Variants in PEBP4 observed in about 807,000 individuals in gnomAD.
PEBP4 encodes phosphatidylethanolamine-binding protein 4.
Under a neutral mutation model 23.9 loss-of-function variants are expected in PEBP4, and 22 were observed. That is an observed-to-expected ratio of 0.92 (90% CI 0.66 to 1.31). The LOEUF is 1.31. Ranked by LOEUF, PEBP4 falls within the 40% of genes most tolerant of loss-of-function variation. The probability of loss-of-function intolerance (pLI) is 0.00; values close to 1 mark genes in which losing one functional copy is unlikely to be tolerated. For synonymous variants in PEBP4, 112 were observed against 99.3 expected, an observed-to-expected ratio of 1.13 and a Z score of -0.76; for missense variants, 324 against 281.7, an observed-to-expected ratio of 1.15 and a Z score of -1.07.
intron 3 of PEBP4, among the ~76,000 whole-genome samples, chr8:22,831,304 T>C (rs986943308): frequency 6.6e-6 from 1 of 152,196 alleles, no homozygotes; most frequent in Non-Finnish European, 1.5e-5. Flanking sequence ...TTAATCAGCA[T>C]AGTTTTTTAT....
At position 22,920,301 on chromosome 8, in the gene PEBP4, T is replaced by C; in HGVS notation, c.141A>G (p.Glu47=). Residue 47 remains glutamate (E), a synonymous_variant, in exon 3 of 7, where the codon GAA becomes GAG. Transcript: ENST00000256404. ...TGTTCCCCAACTCTGGGTAGAAAAC[T>C]TCAAGGCCCCTATGAAGAGAGAGGG... ...DEDTLFCQGL[E]VFYPELGNIG... The C allele has an allele frequency of 6.2e-7, 1 of 1,612,832 alleles. No individual in the cohort carries two copies. Among genetic ancestry groups the C allele is most frequent in the Non-Finnish European group, 8.5e-7 (1 of 1,179,010 alleles).
chr8:22,725,172 G>T (rs1289191410), intron 5 of PEBP4, among the ~76,000 whole-genome samples: 1 of 152,110 alleles, frequency 6.6e-6, no homozygotes, highest in East Asian at 1.9e-4. Flanking sequence ...GGAGGAGGTG[G>T]TCCAAGAGGA....
At chr8:22,927,457 C>G in intron 2 of PEBP4, 127 bp downstream of exon 2, 1 of 1,178,224 alleles carries the variant, frequency 8.5e-7, no homozygotes, top group Non-Finnish European at 1.2e-6. Flanking sequence ...AGATCTGACA[C>G]GTGTTCTGCC....
chr8:22,777,267 T>A lies in PEBP4; in HGVS notation c.357+40370A>T, dbSNP rs146518275. On this transcript the variant is annotated intron_variant, in intron 4 of 6. Transcript: ENST00000256404. ...TCCTCCACTCCCCTCACTTCCTCCA[T>A]CTGCATCATCTCTCACATTTACAGT... Among the ~76,000 whole-genome samples, 208 of 152,236 alleles carry A rather than the reference T, an allele frequency of 1.4e-3. 1 individual carries two copies. Among genetic ancestry groups the A allele is most frequent in the Non-Finnish European group, 2.3e-3 (157 of 67,998 alleles).
At chr8:22,785,975 C>T (rs950980274) in intron 4 of PEBP4, among the ~76,000 whole-genome samples, 2 of 152,262 alleles carry the variant, frequency 1.3e-5, no homozygotes, top group Non-Finnish European at 2.9e-5. Flanking sequence ...CTTTCTCGAA[C>T]GTCAAGTAGG....
chr8:22,892,702 A>T (rs1563251806), intron 3 of PEBP4, among the ~76,000 whole-genome samples: 1 of 152,252 alleles, frequency 6.6e-6, no homozygotes, highest in Non-Finnish European at 1.5e-5. Flanking sequence ...ATAGAGTATC[A>T]GGAACCAGAT....
At chr8:22,743,838 A>G (rs751792923) in intron 4 of PEBP4, among the ~76,000 whole-genome samples, 4 of 152,154 alleles carry the variant, frequency 2.6e-5, no homozygotes, top group Non-Finnish European at 5.9e-5. Context: ...TGCAATTCCA[A>G]CACCTGAGCA....
intron 4 of PEBP4, among the ~76,000 whole-genome samples, chr8:22,778,982 G>C (rs919428048): frequency 2.6e-5 from 4 of 151,874 alleles, no homozygotes; most frequent in Admixed American, 2.0e-4. Flanking sequence ...GTCTGCCTGC[G>C]TGGGGGGCAC....
intron 4 of PEBP4, among the ~76,000 whole-genome samples, chr8:22,799,455 G>A (rs1806336283): frequency 6.6e-6 from 1 of 152,230 alleles, no homozygotes; most frequent in Non-Finnish European, 1.5e-5. Flanking sequence ...AGCTGGGGAT[G>A]AGTGGATTGG....
chr8:22,838,210 A>G (rs1326732504), intron 3 of PEBP4, among the ~76,000 whole-genome samples: 2 of 152,092 alleles, frequency 1.3e-5, no homozygotes, highest in Non-Finnish European at 2.9e-5. Context: ...TTCAATTATT[A>G]TATTCCTGAC....
chr8:22,837,977 C>T (rs1807242362), intron 3 of PEBP4, among the ~76,000 whole-genome samples: 1 of 141,124 alleles, frequency 7.1e-6, no homozygotes, highest in African/African-American at 2.7e-5. Context: ...CGGCTCACTG[C>T]AACCTCAATC....
intron 4 of PEBP4, among the ~76,000 whole-genome samples, chr8:22,746,912 G>A (rs1055055218): frequency 7.2e-5 from 11 of 152,292 alleles, no homozygotes; most frequent in South Asian, 2.1e-4. Context: ...GTGCAGTGGC[G>A]TAATTACGGC....
intron 3 of PEBP4, among the ~76,000 whole-genome samples, chr8:22,878,431 G>A (rs1230953638): frequency 2.0e-5 from 3 of 152,204 alleles, no homozygotes; most frequent in African/African-American, 7.2e-5. Context: ...GGACCCGGCC[G>A]TGTGGCAGTG....
rs113786696 is a variant in PEBP4 at position 22,805,794 on chromosome 8, T to TA, written c.357+11842_357+11843insT. ...TTTAAAAAATAAAGTCTATTTTTTT[T>TA]TAAAAAAAAGGGATTTGATTGCATA... is the stretch of plus-strand genomic sequence containing the variant. On this transcript the variant is annotated intron_variant, in intron 4 of 6. Transcript: ENST00000256404. Among the ~76,000 whole-genome samples, 1,237 of 152,028 alleles carry TA rather than the reference T, an allele frequency of 8.1e-3. 15 individuals are homozygous for TA. The highest frequency in any genetic ancestry group is 0.028 in the African/African-American group (1,168 of 41,412).
chr8:22,842,558 G>A (rs1807350771), intron 3 of PEBP4, among the ~76,000 whole-genome samples: 1 of 152,168 alleles, frequency 6.6e-6, no homozygotes, highest in Non-Finnish European at 1.5e-5. Context: ...TTAAAAACCT[G>A]AGTTTAAAAT....
chr8:22,888,155 CT>C (rs34600138), intron 3 of PEBP4: 204 of 129,752 alleles, frequency 1.6e-3, no homozygotes, highest in East Asian at 7.5e-3. Flanking sequence ...CCACCCACTT[CT>C]TTTTTTTTTT....
At chr8:22,794,743 G>A (rs994906423) in intron 4 of PEBP4, among the ~76,000 whole-genome samples, 2 of 152,082 alleles carry the variant, frequency 1.3e-5, no homozygotes, top group African/African-American at 4.8e-5. Flanking sequence ...TATGAGCTCA[G>A]ATTGGTCAAT....
chr8:22,774,182 G>C (rs545516412), intron 4 of PEBP4, among the ~76,000 whole-genome samples: 1 of 152,196 alleles, frequency 6.6e-6, no homozygotes, highest in African/African-American at 2.4e-5. Context: ...GCCTCTTGCT[G>C]CTCCTTTCTT....
intron 4 of PEBP4, among the ~76,000 whole-genome samples, chr8:22,783,611 C>T (rs541407472): frequency 3.3e-5 from 5 of 152,228 alleles, no homozygotes; most frequent in African/African-American, 9.6e-5. Context: ...CTCACAGCAG[C>T]GACCCTCAAG....
Sources: allele counts gnomAD v4.1 joint callset (sites outside exome capture counted in the v4.1 genomes callset), GRCh38; gene constraint gnomAD v4.1.1; transcripts MANE v1.5; gene names NCBI Gene and HGNC (gene_info 2026-07-23, HGNC 2026-07-21).